The following FBN2 variants were observed in gnomAD, a reference collection of about 807,000 sequenced individuals.
FBN2 encodes fibrillin 2, also known as fibrillin-2.
A neutral mutation model predicts 355.6 loss-of-function variants in FBN2; 105 were observed. The observed-to-expected ratio is 0.30, with a 90% confidence interval of 0.25 to 0.35. The LOEUF (loss-of-function observed/expected upper bound fraction) is 0.35. FBN2 is among the 10% of genes least tolerant of loss of function. FBN2 has a pLI of 1.00. For missense variants in FBN2, 3,280 were observed against 3,758.7 expected, an observed-to-expected ratio of 0.87 and a Z score of 3.33; for synonymous variants, 1,350 against 1,301.2, an observed-to-expected ratio of 1.04 and a Z score of -0.81.
chr5:128,296,730 T>G (rs1581196581), intron 48 of FBN2, among the ~76,000 whole-genome samples: 1 of 152,238 alleles, frequency 6.6e-6, no homozygotes, highest in East Asian at 1.9e-4. Flanking sequence ...TTCTCTCTTT[T>G]ATTCTTTATT....
chr5:128,499,236 TAC>T (rs1400576628), intron 5 of FBN2, among the ~76,000 whole-genome samples: 5 of 152,194 alleles, frequency 3.3e-5, no homozygotes, highest in Non-Finnish European at 7.4e-5. Flanking sequence ...TAGTAAATTA[TAC>T]CCAGAGTGGC....
chr5:128,516,238 A>G (rs1756277429), intron 5 of FBN2, among the ~76,000 whole-genome samples: 1 of 152,226 alleles, frequency 6.6e-6, no homozygotes, highest in Admixed American at 6.5e-5. Flanking sequence ...TCTCAAGTGT[A>G]TATTAAGTGA....
intron 11 of FBN2, among the ~76,000 whole-genome samples, chr5:128,385,334 C>T (rs1346463722): frequency 6.6e-6 from 1 of 152,074 alleles, no homozygotes; most frequent in Non-Finnish European, 1.5e-5. Context: ...TGTGTTAATT[C>T]ATTTAGGACA....
chr5:128,527,129 T>G (rs1376583224), intron 4 of FBN2, among the ~76,000 whole-genome samples: 1 of 152,176 alleles, frequency 6.6e-6, no homozygotes, highest in African/African-American at 2.4e-5. Flanking sequence ...GAAATAACAC[T>G]TCTTTAATGT....
rs554264559 is a variant in FBN2 at position 128,307,339 on chromosome 5, G to A, written c.5354-136C>T. 4.0e-5 allele frequency: 27 copies of A among 678,020 alleles called. 1 individual carries two copies. The highest frequency in any genetic ancestry group is 7.9e-4 in the Middle Eastern group (2 of 2,538). The allele number at this position is 678,020 out of a possible 1,614,324, so 42.0% of individuals were successfully genotyped here. ...ATTTTGATTTCAATTATATTTATTT[G>A]ATAGCAATGCCAGCTTCTGCTAGGA... On this transcript the variant is annotated intron_variant, in intron 41 of 64. Coordinates refer to ENST00000262464, the MANE Select transcript of FBN2 (RefSeq NM_001999.4).
At chr5:128,416,894 A>C (rs1387873765) in intron 7 of FBN2, among the ~76,000 whole-genome samples, 1 of 152,174 alleles carries the variant, frequency 6.6e-6, no homozygotes, top group Admixed American at 6.6e-5. Flanking sequence ...GAAAAATGAC[A>C]TTCATATTTT....
At chr5:128,484,049 A>G (rs995643967) in intron 5 of FBN2, among the ~76,000 whole-genome samples, 4 of 152,196 alleles carry the variant, frequency 2.6e-5, no homozygotes, top group Non-Finnish European at 2.9e-5. Context: ...AGAGACAGAA[A>G]TGAGAGAAAA....
At chr5:128,279,065 T>C (rs1406985108) in intron 56 of FBN2, among the ~76,000 whole-genome samples, 3 of 152,188 alleles carry the variant, frequency 2.0e-5, no homozygotes, top group Non-Finnish European at 4.4e-5. Context: ...ACTTTAGAAA[T>C]AGATAGATTT....
At chr5:128,506,004 C>T (rs1755948592) in intron 5 of FBN2, among the ~76,000 whole-genome samples, 2 of 152,114 alleles carry the variant, frequency 1.3e-5, no homozygotes, top group African/African-American at 4.8e-5. Flanking sequence ...CGTGAAATAG[C>T]CTAATCATAT....
chr5:128,399,535 C>A (rs1752740400), intron 8 of FBN2, among the ~76,000 whole-genome samples: 1 of 151,682 alleles, frequency 6.6e-6, no homozygotes, highest in African/African-American at 2.4e-5. Context: ...GAAAAAGATC[C>A]CAATGGAAGG....
At chr5:128,382,190 C>A (rs976329275) in intron 11 of FBN2, among the ~76,000 whole-genome samples, 1 of 151,858 alleles carries the variant, frequency 6.6e-6, no homozygotes, top group South Asian at 2.1e-4. Flanking sequence ...TTAATAAAAC[C>A]CCCCAATTAC....
intron 16 of FBN2, among the ~76,000 whole-genome samples, chr5:128,368,375 G>GAT (rs1174100989): frequency 2.0e-5 from 3 of 148,868 alleles, no homozygotes; most frequent in Non-Finnish European, 3.0e-5. Context: ...TTGGTGTCAA[G>GAT]ATATATATAT....
Position 128,495,561 on chromosome 5 carries a change from A to G in FBN2, c.628+23712T>C, listed in dbSNP as rs146859985. The stretch of plus-strand genomic sequence containing the variant: ...AACTGTCAACAGCTGACTTTTTATC[A>G]TAACAATTAAGGATAAAAAGCCTTA... On this transcript the variant is annotated intron_variant, in intron 5 of 64. Coordinates refer to ENST00000262464, the MANE Select transcript of FBN2 (RefSeq NM_001999.4). Among the ~76,000 whole-genome samples, 494 of 152,280 alleles carry G rather than the reference A, an allele frequency of 3.2e-3. 1 individual carries two copies. Among genetic ancestry groups the G allele is most frequent in the African/African-American group, 0.011 (476 of 41,568 alleles).
chr5:128,263,374 C>T (rs769104644), intron 63 of FBN2, 51 bp downstream of exon 63: 1 of 1,397,298 alleles, frequency 7.2e-7, no homozygotes, highest in Non-Finnish European at 1.0e-6. Flanking sequence ...GGCCTGAACT[C>T]ACTCAGGAAC....
chr5:128,282,729 A>G (rs748125453), intron 55 of FBN2, among the ~76,000 whole-genome samples: 1 of 152,116 alleles, frequency 6.6e-6, no homozygotes, highest in African/African-American at 2.4e-5. Context: ...AATAATGTTG[A>G]TTTCCAGCAT....
At chr5:128,440,968 G>A (rs989400595) in intron 7 of FBN2, among the ~76,000 whole-genome samples, 2 of 152,130 alleles carry the variant, frequency 1.3e-5, no homozygotes, top group African/African-American at 4.8e-5. Flanking sequence ...GTCAATCTGG[G>A]GAGGGGGCCT....
intron 5 of FBN2, among the ~76,000 whole-genome samples, chr5:128,488,405 C>T (rs983480795): frequency 4.6e-5 from 7 of 152,012 alleles, no homozygotes; most frequent in African/African-American, 1.7e-4. Context: ...GACTGGAGGT[C>T]TCAGCTTAAT....
At chr5:128,262,042 TC>T in intron 63 of FBN2, 135 bp from the exon 64 acceptor site, 1 of 738,816 alleles carries the variant, frequency 1.4e-6, no homozygotes, top group Non-Finnish European at 2.4e-6. Flanking sequence ...ACCCTAATAT[TC>T]TTTGCAACTC....
intron 20 of FBN2, among the ~76,000 whole-genome samples, chr5:128,351,486 G>T (rs990852645): frequency 5.3e-5 from 8 of 152,012 alleles, no homozygotes; most frequent in Non-Finnish European, 1.2e-4. Flanking sequence ...GGCAGAGGTT[G>T]CAGTGAGCCA....
Sources: allele counts gnomAD v4.1 joint callset (sites outside exome capture counted in the v4.1 genomes callset), GRCh38; gene constraint gnomAD v4.1.1; transcripts MANE v1.5; gene names NCBI Gene and HGNC (gene_info 2026-07-23, HGNC 2026-07-21).